NKAIN2: variants seen among roughly 807,000 people sequenced by gnomAD.
NKAIN2 encodes sodium/potassium-transporting ATPase subunit beta-1-interacting protein 2.
A neutral mutation model predicts 32.6 loss-of-function variants in NKAIN2; 14 were observed. That is an observed-to-expected ratio of 0.43 (90% CI 0.28 to 0.67). NKAIN2 has a LOEUF of 0.67. NKAIN2 is among the 30% of genes least tolerant of loss of function. The probability of loss-of-function intolerance (pLI) is 0.17; values close to 1 mark genes in which losing one functional copy is unlikely to be tolerated. For missense variants in NKAIN2, 198 were observed against 258.3 expected (o/e 0.77, Z 1.60); for synonymous variants, 80 against 87.2 (o/e 0.92, Z 0.46).
At chr6:124,809,936 A>G (rs912093833) in intron 5 of NKAIN2, among the ~76,000 whole-genome samples, 2 of 152,208 alleles carry the variant, frequency 1.3e-5, no homozygotes, top group Non-Finnish European at 2.9e-5. Flanking sequence ...ACAATGAGAT[A>G]TCATCTCACA....
At chr6:124,501,954 A>G (rs757031788) in intron 3 of NKAIN2, among the ~76,000 whole-genome samples, 1 of 152,162 alleles carries the variant, frequency 6.6e-6, no homozygotes, top group African/African-American at 2.4e-5. Context: ...CAAATTACAA[A>G]AAATAGCTGG....
At chr6:124,353,762 A>T (rs1323360648) in intron 2 of NKAIN2, among the ~76,000 whole-genome samples, 2 of 152,074 alleles carry the variant, frequency 1.3e-5, no homozygotes, top group Non-Finnish European at 2.9e-5. Context: ...CTCAAAAAAA[A>T]AAGAGGCACA....
intron 1 of NKAIN2, among the ~76,000 whole-genome samples, chr6:124,112,630 A>G (rs1050406529): frequency 1.3e-5 from 2 of 152,138 alleles, no homozygotes; most frequent in Non-Finnish European, 2.9e-5. Flanking sequence ...GCCTTCAACA[A>G]TTATTTCTTT....
chr6:124,486,692 G>T (rs867370351), intron 3 of NKAIN2, among the ~76,000 whole-genome samples: 1 of 152,022 alleles, frequency 6.6e-6, no homozygotes, highest in Non-Finnish European at 1.5e-5. Context: ...TTTACAGAAT[G>T]CTAAAAAGGA....
intron 2 of NKAIN2, among the ~76,000 whole-genome samples, chr6:124,331,173 A>G (rs1797633823): frequency 6.6e-6 from 1 of 151,882 alleles, no homozygotes; most frequent in African/African-American, 2.4e-5. Flanking sequence ...TAAACTGATG[A>G]TACTTTTTTT....
intron 6 of NKAIN2, among the ~76,000 whole-genome samples, chr6:124,820,271 G>A (rs1781339056): frequency 6.6e-6 from 1 of 152,086 alleles, no homozygotes; most frequent in Admixed American, 6.6e-5. Flanking sequence ...TGGTTAAGAC[G>A]ACCTACTGAA....
At chr6:124,689,243 C>A (rs1353374315) in intron 4 of NKAIN2, among the ~76,000 whole-genome samples, 2 of 151,980 alleles carry the variant, frequency 1.3e-5, no homozygotes, top group African/African-American at 4.8e-5. Context: ...TGTTGGACAC[C>A]TTTTTTATCT....
intron 3 of NKAIN2, among the ~76,000 whole-genome samples, chr6:124,428,844 C>T (rs62436340): frequency 0.058 from 8,880 of 151,990 alleles, 336 homozygotes; most frequent in Non-Finnish European, 0.066. Context: ...TGTGTGTGCC[C>T]GTGTGCTGAT....
At chr6:124,106,567 G>T (rs945057766) in intron 1 of NKAIN2, among the ~76,000 whole-genome samples, 1 of 152,110 alleles carries the variant, frequency 6.6e-6, no homozygotes, top group African/African-American at 2.4e-5. Flanking sequence ...GTTACCTTAG[G>T]AAAGGCGGAA....
chr6:124,408,279 T>C (rs1773966600), intron 3 of NKAIN2, among the ~76,000 whole-genome samples: 2 of 152,220 alleles, frequency 1.3e-5, no homozygotes, highest in Non-Finnish European at 2.9e-5. Context: ...CCCATGCCTA[T>C]GTCCTGAATG....
intron 1 of NKAIN2, among the ~76,000 whole-genome samples, chr6:124,269,719 C>T (rs1474994162): frequency 1.3e-5 from 2 of 152,018 alleles, no homozygotes; most frequent in Non-Finnish European, 2.9e-5. Context: ...CCAACGGCCT[C>T]GGCCTCCCAA....
chr6:124,396,051 C>A (rs1410694031), intron 3 of NKAIN2, among the ~76,000 whole-genome samples: 3 of 152,048 alleles, frequency 2.0e-5, no homozygotes, highest in Admixed American at 6.6e-5. Context: ...GTATAACTTC[C>A]ATGGTACTTT....
At chr6:123,936,572 G>A (rs1565435) in intron 1 of NKAIN2, among the ~76,000 whole-genome samples, 44,977 of 151,908 alleles carry the variant, frequency 0.3, 7,774 homozygotes, top group East Asian at 0.61. Context: ...ATAATTTAAC[G>A]AAGATACAAA....
At chr6:124,019,038 C>G (rs112500520) in intron 1 of NKAIN2, among the ~76,000 whole-genome samples, 9,813 of 152,198 alleles carry the variant, frequency 0.064, 416 homozygotes, top group African/African-American at 0.098. Flanking sequence ...GGCATGTCTT[C>G]CATGGTGGCA....
chr6:123,895,304 T>C (rs1014686902), intron 1 of NKAIN2, among the ~76,000 whole-genome samples: 2 of 152,070 alleles, frequency 1.3e-5, no homozygotes, highest in Admixed American at 6.6e-5. Flanking sequence ...ATAGATTTCA[T>C]TGTTTTTTTA....
At chr6:124,584,655 G>GAAAAAA (rs34014858) in intron 3 of NKAIN2, among the ~76,000 whole-genome samples, 1 of 87,220 alleles carries the variant, frequency 1.1e-5, no homozygotes, top group African/African-American at 4.5e-5. Flanking sequence ...CTCCATCTCA[G>GAAAAAA]AAAAAAAAAA....
At chr6:124,566,122 G>A (rs1780900700) in intron 3 of NKAIN2, among the ~76,000 whole-genome samples, 2 of 152,126 alleles carry the variant, frequency 1.3e-5, no homozygotes, top group Non-Finnish European at 1.5e-5. Flanking sequence ...TAAGCCAACT[G>A]GCAATTACTA....
intron 3 of NKAIN2, among the ~76,000 whole-genome samples, chr6:124,536,456 G>A (rs987469135): frequency 3.3e-5 from 5 of 152,002 alleles, no homozygotes; most frequent in African/African-American, 1.2e-4. Flanking sequence ...TTCCACAGAT[G>A]TTCTAGGGGG....
intron 4 of NKAIN2, among the ~76,000 whole-genome samples, chr6:124,726,891 C>T (rs1326459039): frequency 1.1e-3 from 121 of 106,420 alleles, no homozygotes; most frequent in Middle Eastern, 4.5e-3. Context: ...AACCAAGGCT[C>T]GAGAACTACG....
Sources: allele counts gnomAD v4.1 joint callset (sites outside exome capture counted in the v4.1 genomes callset), GRCh38; gene constraint gnomAD v4.1.1; transcripts MANE v1.5; gene names NCBI Gene and HGNC (gene_info 2026-07-23, HGNC 2026-07-21).